The following COL10A1 variants were observed in gnomAD, a reference collection of about 807,000 sequenced individuals.
COL10A1 encodes the protein collagen alpha-1(X) chain.
COL10A1 carries 10 observed loss-of-function variants against 18.2 expected under a neutral mutation model. That is an observed-to-expected ratio of 0.55 (90% CI 0.34 to 0.93). COL10A1 has a LOEUF of 0.93. Among genes scored for constraint, COL10A1 ranks in the 40% least tolerant of loss-of-function variants. The pLI is 0.02. For missense variants in COL10A1, 897 were observed against 853.5 expected, an observed-to-expected ratio of 1.05 and a Z score of -0.64; for synonymous variants, 330 against 316.6, an observed-to-expected ratio of 1.04 and a Z score of -0.45.
At chr6:116,159,288 CAGAGAAA>C (rs1311992304), upstream of COL10A1, among the ~76,000 whole-genome samples, 1 of 151,974 alleles carries the variant, frequency 6.6e-6, no homozygotes, top group African/African-American at 2.4e-5. Flanking sequence ...TATCAAAAAC[CAGAGAAA>C]CATAACTTTC....
upstream of COL10A1, among the ~76,000 whole-genome samples, chr6:116,159,753 GTAACT>G (rs1780285047): frequency 6.6e-6 from 1 of 152,180 alleles, no homozygotes; most frequent in Middle Eastern, 3.2e-3. Flanking sequence ...TACCAAGTAA[GTAACT>G]TTTCAACATG....
the COL10A1 span, among the ~76,000 whole-genome samples, chr6:116,170,450 G>A: frequency 6.6e-6 from 1 of 152,082 alleles, no homozygotes; most frequent in Admixed American, 6.5e-5. Context: ...AAAGTACCAG[G>A]TTCATAGCCA....
Position 116,119,671 on chromosome 6 carries a change from G to C in COL10A1, c.*402C>G, listed in dbSNP as rs1215315112. Reference sequence around the variant, plus strand: ...CTAGAAGTTCTCATATTCATAGTTAGAAACAGGCTTTTTTAAAAAGGAAAT... The same window carrying C: ...CTAGAAGTTCTCATATTCATAGTTACAAACAGGCTTTTTTAAAAAGGAAAT... On this transcript the variant is annotated 3_prime_UTR_variant, in exon 3 of 3. Transcript: ENST00000651968. 5.5e-6 allele frequency: 1 copy of C among 181,496 alleles called. No homozygotes were observed. The highest frequency in any genetic ancestry group is 2.4e-5 in the African/African-American group (1 of 41,676). 11.2% of individuals were successfully genotyped at this position (181,496 alleles called of 1,614,324 possible). A position where few individuals can be genotyped will look rare whatever the true frequency, so the allele number is the denominator to read the frequency against.
chr6:116,121,912 A>G lies in COL10A1; in HGVS notation c.204T>C (p.Ala68=). Residue 68 remains alanine, a synonymous_variant, in exon 3 of 3, where the codon GCT becomes GCC. Coordinates refer to ENST00000651968, the MANE Select transcript of COL10A1 (RefSeq NM_000493.4). ...AAGGACCTGGGTGCCCTCGAGGTCC[A>G]GCAGGGCCTGGTGGACCAGGAGTAC... ...EQGTPGPPGP[A]GPRGHPGPSG... is the part of the protein sequence containing the mutation. 1 of 1,613,864 alleles carries G rather than the reference A, an allele frequency of 6.2e-7. No individual in the cohort carries two copies. The highest frequency in any genetic ancestry group is 8.5e-7 in the Non-Finnish European group (1 of 1,180,006).
chr6:116,164,179 C>T, the COL10A1 span, among the ~76,000 whole-genome samples: 1 of 152,176 alleles, frequency 6.6e-6, no homozygotes, highest in African/African-American at 2.4e-5. Context: ...GGTGTTTTCT[C>T]TGGGATGTCG....
At chr6:116,167,425 G>T in the COL10A1 span, among the ~76,000 whole-genome samples, 1 of 151,926 alleles carries the variant, frequency 6.6e-6, no homozygotes, top group East Asian at 1.9e-4. Flanking sequence ...TGTTAGCCAG[G>T]ATGGTCTCAA....
chr6:116,203,725 G>C, the COL10A1 span, among the ~76,000 whole-genome samples: 1 of 151,770 alleles, frequency 6.6e-6, no homozygotes, highest in African/African-American at 2.4e-5. Context: ...GTTACCCTTA[G>C]AGCTACACCT....
rs990766528 is a variant in COL10A1, at chr6:116,142,837, G to A, written c.-16+15777C>T. 9.2e-5 allele frequency among the ~76,000 whole-genome samples: 14 copies of A among 152,102 alleles called. No individual in the cohort carries two copies. In the East Asian group the frequency reaches 2.1e-3, roughly 23 times the overall value. On this transcript the variant is annotated intron_variant, in intron 1 of 1. Transcript: ENST00000418500. Reference sequence around the variant, plus strand: ...TTTATCAGTTCTAAAAGTTATTTTCGTGTTCTGATGCCTTCATTACATCTG... The same window carrying A: ...TTTATCAGTTCTAAAAGTTATTTTCATGTTCTGATGCCTTCATTACATCTG...
upstream of COL10A1, among the ~76,000 whole-genome samples, chr6:116,129,262 CACAT>C (rs879728070): frequency 6.6e-5 from 10 of 152,124 alleles, no homozygotes; most frequent in East Asian, 5.8e-4. Flanking sequence ...TATATAGAAA[CACAT>C]ACATACATAT....
intron 1 of COL10A1, among the ~76,000 whole-genome samples, chr6:116,150,542 C>T (rs1279074600): frequency 2.0e-5 from 3 of 152,290 alleles, no homozygotes; most frequent in South Asian, 4.1e-4. Context: ...GCCTCGGCCT[C>T]CCAAAACGCT....
At chr6:116,169,426 C>A in the COL10A1 span, among the ~76,000 whole-genome samples, 2 of 152,142 alleles carry the variant, frequency 1.3e-5, no homozygotes, top group African/African-American at 4.8e-5. Context: ...TACTATATTG[C>A]CACTTCTGTA....
intron 1 of COL10A1, among the ~76,000 whole-genome samples, chr6:116,139,523 T>A (rs563918833): frequency 6.6e-6 from 1 of 152,196 alleles, no homozygotes; most frequent in East Asian, 1.9e-4. Flanking sequence ...GATATTGAAC[T>A]GCATTTAAAA....
chr6:116,194,771 T>A, the COL10A1 span, among the ~76,000 whole-genome samples: 4 of 152,062 alleles, frequency 2.6e-5, no homozygotes, highest in Non-Finnish European at 5.9e-5. Flanking sequence ...CTAAAGGTAG[T>A]GGCTTTTGGG....
intron 1 of COL10A1, among the ~76,000 whole-genome samples, chr6:116,157,449 A>G (rs1325135841): frequency 1.3e-5 from 2 of 152,254 alleles, no homozygotes; most frequent in East Asian, 1.9e-4. Flanking sequence ...AGTTGAAACT[A>G]TGTTGAAAAA....
In COL10A1 at chr6:116,120,858, G is replaced by C; in HGVS notation, c.1258C>G (p.Leu420Val). ...CCTGCTGGGCCCACAGGGCCTGGGA[G>C]ACCAGGAGGTCCTCCAACTCCAGGA... ...GDPGVGGPPGLPGPVGPAGAK... is the reference protein window; with the variant it reads ...GDPGVGGPPGVPGPVGPAGAK... The change falls in exon 3 of 3, where the codon CTC becomes GTC. Residue 420 changes from leucine (L) to valine (V), a missense_variant. Transcript: ENST00000651968. 3.7e-6 allele frequency: 6 copies of C among 1,614,028 alleles called. No individual in the cohort carries two copies. Among genetic ancestry groups the C allele is most frequent in the Admixed American group, 3.3e-5 (2 of 60,022 alleles).
chr6:116,148,691 G>A (rs1018755331), intron 1 of COL10A1, among the ~76,000 whole-genome samples: 3 of 152,190 alleles, frequency 2.0e-5, no homozygotes, highest in African/African-American at 7.2e-5. Context: ...AATTAAAATG[G>A]TTTTTTGAGA....
At chr6:116,125,746 A>G (rs912270157) in intron 1 of COL10A1, 2 of 347,648 alleles carry the variant, frequency 5.8e-6, no homozygotes, top group Non-Finnish European at 1.1e-5. Flanking sequence ...TACCTAAAGG[A>G]AAAGAAACAG....
upstream of COL10A1, among the ~76,000 whole-genome samples, chr6:116,159,783 C>T (rs1562144099): frequency 6.6e-6 from 1 of 152,160 alleles, no homozygotes; most frequent in Non-Finnish European, 1.5e-5. Flanking sequence ...TTCCCCCAGC[C>T]CCCACCTTTT....
chr6:116,163,582 G>A (rs903455295), upstream of COL10A1, among the ~76,000 whole-genome samples: 3 of 151,840 alleles, frequency 2.0e-5, no homozygotes, highest in East Asian at 5.8e-4. Context: ...TTTTGGCTTT[G>A]TTGATCCCTT....
Sources: allele counts gnomAD v4.1 joint callset (sites outside exome capture counted in the v4.1 genomes callset), GRCh38; gene constraint gnomAD v4.1.1; transcripts MANE v1.5; gene names NCBI Gene and HGNC (gene_info 2026-07-23, HGNC 2026-07-21).